The following CPNE8 variants were observed in gnomAD, a reference collection of about 807,000 sequenced individuals.
The protein encoded by CPNE8 is copine-8.
A neutral mutation model predicts 81.5 loss-of-function variants in CPNE8; 45 were observed. The observed-to-expected ratio is 0.55, with a 90% CI of 0.44 to 0.71. The LOEUF is 0.71. CPNE8 is among the 30% of genes least tolerant of loss of function. CPNE8 has a pLI of 0.00. For missense variants in CPNE8, 594 were observed against 672.1 expected, an observed-to-expected ratio of 0.88 and a Z score of 1.28; for synonymous variants, 252 against 226.3, an observed-to-expected ratio of 1.11 and a Z score of -1.02.
At chr12:38,905,931 C>T (rs1944564909), upstream of CPNE8, 1 of 985,382 alleles carries the variant, frequency 1.0e-6, no homozygotes, top group Non-Finnish European at 1.2e-6. Flanking sequence ...GACCGCAAGC[C>T]CTCGCCGGCT....
intron 3 of CPNE8, among the ~76,000 whole-genome samples, chr12:38,869,385 A>G (rs926476490): frequency 1.3e-5 from 2 of 152,192 alleles, no homozygotes; most frequent in Non-Finnish European, 2.9e-5. Context: ...TTTAATCCTC[A>G]TAACAGCTAT....
intron 13 of CPNE8, among the ~76,000 whole-genome samples, chr12:38,717,426 G>GATATATATATATAT (rs1565581359): frequency 3.6e-5 from 1 of 27,780 alleles, no homozygotes; most frequent in Non-Finnish European, 7.2e-5. Context: ...AAGAAAGTGT[G>GATATATATATATAT]GTGTATATAT....
intron 10 of CPNE8, among the ~76,000 whole-genome samples, chr12:38,748,080 G>A (rs576612041): frequency 2.0e-5 from 3 of 151,096 alleles, no homozygotes; most frequent in Admixed American, 6.6e-5. Flanking sequence ...GCGCGATCTC[G>A]GCTCACTTAA....
chr12:38,713,506 T>A (rs1940313125), intron 13 of CPNE8, among the ~76,000 whole-genome samples: 1 of 152,196 alleles, frequency 6.6e-6, no homozygotes, highest in African/African-American at 2.4e-5. Context: ...GAGAGTAAGA[T>A]CGCAAATTGA....
Position 38,665,992 on chromosome 12 carries a change from A to T in CPNE8, c.1506+4737T>A, listed in dbSNP as rs572726604. Among the ~76,000 whole-genome samples the T allele has an allele frequency of 7.9e-5, 12 of 152,312 alleles. No individual in the cohort carries two copies. The South Asian group carries it at 2.5e-3, about 32-fold the overall frequency. On this transcript the variant is annotated intron_variant, in intron 19 of 19. Transcript: ENST00000331366. ...GTACCAATGTACTGTACTGATAATAACGCATTTATTGAGCAACTGGTAGTT... is the reference window on the plus strand; with the variant it reads ...GTACCAATGTACTGTACTGATAATATCGCATTTATTGAGCAACTGGTAGTT...
intron 11 of CPNE8, among the ~76,000 whole-genome samples, chr12:38,727,832 C>CA (rs1940739145): frequency 1.3e-5 from 2 of 152,200 alleles, no homozygotes; most frequent in Non-Finnish European, 2.9e-5. Context: ...GGGGTGTACA[C>CA]ATGCCCAAGG....
At chr12:38,682,517 C>T (rs960373500) in intron 16 of CPNE8, among the ~76,000 whole-genome samples, 3 of 152,208 alleles carry the variant, frequency 2.0e-5, no homozygotes, top group African/African-American at 7.2e-5. Context: ...GAGATCATCC[C>T]ACTGCACTCC....
rs112644954 is a variant in CPNE8 at position 38,673,633 on chromosome 12, T to C, written c.1432+2084A>G. Among the ~76,000 whole-genome samples, 262 of 152,268 alleles carry C rather than the reference T, an allele frequency of 1.7e-3. 1 individual carries two copies. Among genetic ancestry groups the C allele is most frequent in the African/African-American group, 6.0e-3 (250 of 41,566 alleles). On this transcript the variant is annotated intron_variant, in intron 18 of 19. Coordinates refer to ENST00000331366, the MANE Select transcript of CPNE8 (RefSeq NM_153634.3). Reference sequence around the variant, plus strand: ...TATCCCATTAGAACTTCCATCATGGTGAAAACAGAAACCAGGTGTTACAGG... The same window carrying C: ...TATCCCATTAGAACTTCCATCATGGCGAAAACAGAAACCAGGTGTTACAGG...
chr12:38,711,864 T>C (rs1401043528), intron 13 of CPNE8, among the ~76,000 whole-genome samples: 1 of 152,180 alleles, frequency 6.6e-6, no homozygotes. Flanking sequence ...GTTTGTTTTC[T>C]AAACAAACTT....
chr12:38,805,593 A>T (rs1288285353), intron 6 of CPNE8, among the ~76,000 whole-genome samples: 2 of 108,446 alleles, frequency 1.8e-5, no homozygotes, highest in African/African-American at 6.7e-5. Flanking sequence ...GCGCACCAGC[A>T]TGGCACATGT....
chr12:38,875,425 T>C (rs1944052245), intron 1 of CPNE8, among the ~76,000 whole-genome samples: 2 of 152,200 alleles, frequency 1.3e-5, no homozygotes, highest in Admixed American at 1.3e-4. Context: ...AGTTCAAATT[T>C]GTGTTTAATA....
intron 10 of CPNE8, among the ~76,000 whole-genome samples, chr12:38,733,687 T>C (rs73099178): frequency 0.048 from 7,240 of 152,040 alleles, 589 homozygotes; most frequent in African/African-American, 0.16. Context: ...TACCTTTTAT[T>C]ACATGTATGT....
chr12:38,878,877 T>G (rs1280601171), intron 1 of CPNE8, among the ~76,000 whole-genome samples: 1 of 152,172 alleles, frequency 6.6e-6, no homozygotes, highest in Non-Finnish European at 1.5e-5. Flanking sequence ...GGCTGAATTT[T>G]ATTTACAGAA....
At chr12:38,868,236 C>T (rs936110374) in intron 3 of CPNE8, among the ~76,000 whole-genome samples, 3 of 151,938 alleles carry the variant, frequency 2.0e-5, no homozygotes, top group Admixed American at 1.3e-4. Context: ...ATTGCATGCT[C>T]CCTGAGGTAG....
intron 10 of CPNE8, among the ~76,000 whole-genome samples, chr12:38,751,919 T>C (rs1941359432): frequency 6.6e-6 from 1 of 152,286 alleles, no homozygotes; most frequent in Non-Finnish European, 1.5e-5. Context: ...TTGTAAAAAC[T>C]TTTTCTACTG....
chr12:38,867,444 T>C (rs1445105412), intron 3 of CPNE8, among the ~76,000 whole-genome samples: 2 of 151,958 alleles, frequency 1.3e-5, no homozygotes, highest in Non-Finnish European at 2.9e-5. Flanking sequence ...TAGCTCAGTG[T>C]CAATGGAATG....
At chr12:38,797,158 C>G (rs1011154415) in intron 6 of CPNE8, among the ~76,000 whole-genome samples, 1 of 152,200 alleles carries the variant, frequency 6.6e-6, no homozygotes, top group Non-Finnish European at 1.5e-5. Flanking sequence ...CCTCTGCAGA[C>G]GTAAATGTCC....
chr12:38,860,515 A>G (rs1943815181), intron 3 of CPNE8, among the ~76,000 whole-genome samples: 1 of 151,860 alleles, frequency 6.6e-6, no homozygotes, highest in Non-Finnish European at 1.5e-5. Flanking sequence ...TCCAAAAATT[A>G]AAAATATTTA....
intron 13 of CPNE8, among the ~76,000 whole-genome samples, chr12:38,719,834 T>C (rs958187741): frequency 6.6e-6 from 1 of 152,206 alleles, no homozygotes; most frequent in South Asian, 2.1e-4. Flanking sequence ...ATTTATAATA[T>C]GTCTTTGTAT....
Sources: gnomAD v4.1 joint callset for allele counts (sites outside exome capture counted in the v4.1 genomes callset) on GRCh38, gnomAD v4.1.1 for gene constraint, MANE v1.5 for transcripts, NCBI Gene and HGNC (gene_info 2026-07-23, HGNC 2026-07-21) for gene names.